Variants in GRID2 observed in about 807,000 individuals in gnomAD.
The protein encoded by GRID2 is glutamate receptor ionotropic, delta-2.
Under a neutral mutation model 114.8 loss-of-function variants are expected in GRID2, and 33 were observed. The observed-to-expected ratio is 0.29, with a 90% confidence interval of 0.22 to 0.38. GRID2 has a LOEUF of 0.38. Among genes scored for constraint, GRID2 ranks in the 10% least tolerant of loss-of-function variants. GRID2 has a pLI of 1.00. For synonymous variants in GRID2, 505 were observed against 449.9 expected (o/e 1.12, Z -1.55); for missense variants, 1,184 against 1,257.7 (o/e 0.94, Z 0.89).
intron 13 of GRID2, among the ~76,000 whole-genome samples, chr4:93,615,202 A>G (rs1741482424): frequency 6.6e-6 from 1 of 152,208 alleles, no homozygotes; most frequent in African/African-American, 2.4e-5. Context: ...AAAGATGTCC[A>G]TACTCTTTGA....
intron 2 of GRID2, among the ~76,000 whole-genome samples, chr4:92,913,911 G>A (rs946253968): frequency 1.4e-4 from 22 of 151,946 alleles, no homozygotes; most frequent in Non-Finnish European, 2.2e-4. Context: ...TGGATAGTAC[G>A]TTCTACTTGT....
chr4:93,084,586 C>T lies in GRID2; in HGVS notation c.245-409C>T, dbSNP rs192278141. On this transcript the variant is annotated intron_variant, in intron 2 of 15. Coordinates refer to ENST00000282020, the MANE Select transcript of GRID2 (RefSeq NM_001510.4). ...TACTTTTTGAAACCTTGTATTATGC[C>T]TTCAGTAGGGAATTATCTTTTCTCT... 7.7e-4 allele frequency among the ~76,000 whole-genome samples: 117 copies of T among 152,210 alleles called. No homozygotes were observed. In the Middle Eastern group the frequency reaches 0.01, roughly 13 times the overall value.
At chr4:92,717,819 C>T (rs1735619855) in intron 2 of GRID2, among the ~76,000 whole-genome samples, 1 of 152,098 alleles carries the variant, frequency 6.6e-6, no homozygotes, top group Non-Finnish European at 1.5e-5. Context: ...TCACATACTT[C>T]CAGAGTGTTG....
At chr4:92,774,115 A>T (rs979781768) in intron 2 of GRID2, among the ~76,000 whole-genome samples, 6 of 152,152 alleles carry the variant, frequency 3.9e-5, no homozygotes, top group African/African-American at 1.4e-4. Flanking sequence ...CATGTAAGTG[A>T]TCTGGATCCA....
At chr4:93,247,014 T>G (rs1333184778) in intron 8 of GRID2, among the ~76,000 whole-genome samples, 1 of 152,078 alleles carries the variant, frequency 6.6e-6, no homozygotes, top group African/African-American at 2.4e-5. Context: ...GCTGGTTGGT[T>G]GAGATCACTT....
chr4:93,366,359 C>T (rs1056154968), intron 8 of GRID2, among the ~76,000 whole-genome samples: 1 of 152,056 alleles, frequency 6.6e-6, no homozygotes, highest in South Asian at 2.1e-4. Context: ...ATGGTCGAGA[C>T]TGCAGAGGTG....
chr4:93,075,195 GAAAAACC>G (rs1234752315), intron 2 of GRID2, among the ~76,000 whole-genome samples: 8 of 151,976 alleles, frequency 5.3e-5, no homozygotes, highest in Non-Finnish European at 8.8e-5. Context: ...GACTAAAAAA[GAAAAACC>G]ATATGGTTAT....
At chr4:92,538,193 G>A (rs1475906275) in intron 1 of GRID2, among the ~76,000 whole-genome samples, 1 of 152,108 alleles carries the variant, frequency 6.6e-6, no homozygotes, top group Admixed American at 6.6e-5. Flanking sequence ...GTTCAAAACA[G>A]TTCATGAGAA....
intron 8 of GRID2, among the ~76,000 whole-genome samples, chr4:93,244,558 AATCTATT>A (rs1197597206): frequency 6.0e-5 from 2 of 33,564 alleles, no homozygotes; most frequent in Non-Finnish European, 1.2e-4. Context: ...TAGATTATAT[AATCTATT>A]ATATATTAAT....
chr4:92,802,812 T>C (rs1477447813), intron 2 of GRID2, among the ~76,000 whole-genome samples: 1 of 151,938 alleles, frequency 6.6e-6, no homozygotes, highest in Admixed American at 6.6e-5. Flanking sequence ...TGTTGCTGAT[T>C]GTGTTATTAC....
At chr4:92,735,996 C>T (rs1466148488) in intron 2 of GRID2, among the ~76,000 whole-genome samples, 1 of 152,030 alleles carries the variant, frequency 6.6e-6, no homozygotes, top group Non-Finnish European at 1.5e-5. Context: ...AAAGCCCCCC[C>T]AAAGATACCC....
chr4:92,305,895 C>T (rs536942597), intron 1 of GRID2, among the ~76,000 whole-genome samples: 3 of 152,292 alleles, frequency 2.0e-5, no homozygotes, highest in African/African-American at 7.2e-5. Flanking sequence ...AGAGAGGTCC[C>T]TTTGGGGGAA....
intron 2 of GRID2, among the ~76,000 whole-genome samples, chr4:92,830,536 T>C (rs1409701131): frequency 2.6e-5 from 4 of 152,008 alleles, no homozygotes; most frequent in Admixed American, 2.6e-4. Context: ...AAGCATACTA[T>C]TATTATTATT....
intron 2 of GRID2, among the ~76,000 whole-genome samples, chr4:92,811,448 ATG>A (rs1740659511): frequency 6.6e-6 from 1 of 152,112 alleles, no homozygotes; most frequent in South Asian, 2.1e-4. Context: ...TTAAAACAAA[ATG>A]TGAGGGAGGA....
chr4:93,467,455 G>A (rs925069637), intron 11 of GRID2, among the ~76,000 whole-genome samples: 9 of 152,138 alleles, frequency 5.9e-5, no homozygotes, highest in Admixed American at 5.9e-4. Flanking sequence ...TTTTGAAATA[G>A]TATGACTTCT....
intron 2 of GRID2, among the ~76,000 whole-genome samples, chr4:93,009,231 A>G (rs767361442): frequency 1.3e-5 from 2 of 152,162 alleles, no homozygotes; most frequent in Non-Finnish European, 2.9e-5. Context: ...AACAATATAC[A>G]CATGGCCTTC....
At chr4:93,096,745 TAGG>T (rs1208227190) in intron 3 of GRID2, among the ~76,000 whole-genome samples, 1 of 151,990 alleles carries the variant, frequency 6.6e-6, no homozygotes, top group Non-Finnish European at 1.5e-5. Flanking sequence ...TACAGCCACT[TAGG>T]AGAGCTGTTT....
intron 8 of GRID2, among the ~76,000 whole-genome samples, chr4:93,366,845 T>TAA (rs1762386217): frequency 6.6e-6 from 1 of 152,074 alleles, no homozygotes; most frequent in Non-Finnish European, 1.5e-5. Context: ...AATTCCCCGA[T>TAA]AAAATATATT....
At chr4:92,913,825 G>T (rs1030665284) in intron 2 of GRID2, among the ~76,000 whole-genome samples, 2 of 151,918 alleles carry the variant, frequency 1.3e-5, no homozygotes, top group African/African-American at 2.4e-5. Context: ...AAAGTGAAAC[G>T]ACTCAAATTC....
Sources: gnomAD v4.1 joint callset for allele counts (sites outside exome capture counted in the v4.1 genomes callset) on GRCh38, gnomAD v4.1.1 for gene constraint, MANE v1.5 for transcripts, NCBI Gene and HGNC (gene_info 2026-07-23, HGNC 2026-07-21) for gene names.